Variants in EML6 observed in about 807,000 individuals in gnomAD.
The protein encoded by EML6 is echinoderm microtubule-associated protein-like 6.
EML6 carries 154 observed loss-of-function variants against 240.1 expected under a neutral mutation model. The ratio of observed to expected loss-of-function variants is 0.64; its 90% CI spans 0.56 to 0.73. The LOEUF is 0.73. EML6 is among the 30% of genes least tolerant of loss of function. The pLI, the probability that EML6 is intolerant of heterozygous loss-of-function variation, is 0.00. For missense variants in EML6, 2,964 were observed against 2,474.6 expected (o/e 1.20, Z -4.20); for synonymous variants, 1,148 against 899.0 (o/e 1.28, Z -4.95).
At chr2:54,887,004 A>G (rs114832319) in intron 17 of EML6, among the ~76,000 whole-genome samples, 253 of 152,336 alleles carry the variant, frequency 1.7e-3, no homozygotes, top group African/African-American at 5.9e-3. Context: ...ACTAAAAGCC[A>G]TACTGCTTTT....
chr2:54,861,555 C>T (rs574783915), intron 12 of EML6, among the ~76,000 whole-genome samples: 3 of 152,152 alleles, frequency 2.0e-5, no homozygotes, highest in East Asian at 1.9e-4. Flanking sequence ...TCCAACCCTT[C>T]TAGCTACATC....
At chr2:54,772,330 G>T (rs1668436486) in intron 2 of EML6, among the ~76,000 whole-genome samples, 1 of 152,174 alleles carries the variant, frequency 6.6e-6, no homozygotes, top group Admixed American at 6.5e-5. Flanking sequence ...GAACAGAGGT[G>T]ACTAATTCTA....
chr2:54,776,829 A>G (rs749160363), intron 2 of EML6, among the ~76,000 whole-genome samples: 51 of 152,202 alleles, frequency 3.4e-4, no homozygotes, highest in Admixed American at 7.2e-4. Flanking sequence ...TTATATGAAC[A>G]TTTGTATACT....
intron 2 of EML6, among the ~76,000 whole-genome samples, chr2:54,754,962 T>G (rs1350149465): frequency 2.6e-5 from 4 of 152,238 alleles, no homozygotes; most frequent in Non-Finnish European, 5.9e-5. Context: ...TTAAATGTAG[T>G]TAGTCACATG....
intron 24 of EML6, among the ~76,000 whole-genome samples, chr2:54,904,448 G>T (rs1366840455): frequency 1.3e-5 from 2 of 152,178 alleles, no homozygotes; most frequent in Non-Finnish European, 2.9e-5. Flanking sequence ...CTGAGGGAAA[G>T]CTCCTTGGAG....
At chr2:54,853,934 C>A (rs1670231072) in intron 11 of EML6, 79 bp downstream of exon 11, 2 of 808,538 alleles carry the variant, frequency 2.5e-6, no homozygotes, top group Admixed American at 2.9e-5. Context: ...GATCTTCCTG[C>A]TGTCTATTCC....
chr2:54,744,673 A>T (rs1165396619), intron 2 of EML6, among the ~76,000 whole-genome samples: 1 of 151,734 alleles, frequency 6.6e-6, no homozygotes, highest in Non-Finnish European at 1.5e-5. Flanking sequence ...TTAGATGACT[A>T]GGAAGTTGTG....
intron 3 of EML6, among the ~76,000 whole-genome samples, chr2:54,814,908 A>G (rs564093669): frequency 2.0e-5 from 3 of 152,334 alleles, no homozygotes; most frequent in South Asian, 4.1e-4. Context: ...TTATGGCTAC[A>G]TAAAGAGATA....
At chr2:54,861,772 T>TG (rs11463854) in intron 12 of EML6, among the ~76,000 whole-genome samples, 28,804 of 148,806 alleles carry the variant, frequency 0.19, 3,019 homozygotes, top group African/African-American at 0.27. Context: ...GTTTTTTGTT[T>TG]TTTTTTTTTT....
At chr2:54,827,222 T>G (rs1668639963) in intron 5 of EML6, among the ~76,000 whole-genome samples, 1 of 152,220 alleles carries the variant, frequency 6.6e-6, no homozygotes, top group Admixed American at 6.5e-5. Flanking sequence ...CTATACTACT[T>G]TTATAACTTG....
At chr2:54,917,530 T>C (rs1673989400) in intron 26 of EML6, among the ~76,000 whole-genome samples, 1 of 151,988 alleles carries the variant, frequency 6.6e-6, no homozygotes, top group Non-Finnish European at 1.5e-5. Context: ...GCCAGACTAA[T>C]TTTTGTATTT....
At chr2:54,788,071 T>G (rs1357661705) in intron 2 of EML6, among the ~76,000 whole-genome samples, 4 of 152,118 alleles carry the variant, frequency 2.6e-5, no homozygotes, top group African/African-American at 9.7e-5. Context: ...ACCCCCTCCC[T>G]TCGCACGTGT....
rs151018372 is a variant in EML6 at position 54,926,264 on chromosome 2, G to A, written c.3676-2049G>A. 9.2e-3 allele frequency among the ~76,000 whole-genome samples: 1,398 copies of A among 152,268 alleles called. 22 individuals are homozygous for A. Among genetic ancestry groups the A allele is most frequent in the South Asian group, 0.014 (67 of 4,824 alleles). On this transcript the variant is annotated intron_variant, in intron 26 of 41. Transcript: ENST00000356458. The stretch of plus-strand genomic sequence containing the variant: ...TTACAGGCATCCACCACCATGCCCA[G>A]CTAATTTTTGTATTTTTAGTAGAGT...
intron 5 of EML6, among the ~76,000 whole-genome samples, chr2:54,827,241 C>G (rs7569768): frequency 6.6e-6 from 1 of 151,976 alleles, no homozygotes; most frequent in Non-Finnish European, 1.5e-5. Flanking sequence ...TGATAAAAAA[C>G]TAAGCAAAAC....
intron 12 of EML6, among the ~76,000 whole-genome samples, chr2:54,862,679 C>A (rs915339735): frequency 7.2e-5 from 11 of 151,916 alleles, no homozygotes; most frequent in African/African-American, 2.4e-4. Flanking sequence ...GCAAAGGACA[C>A]GAGTAAGATG....
At position 54,846,322 on chromosome 2, in the gene EML6, T is replaced by G. The variant is rs779455017; in HGVS notation, c.1050-1164T>G. On this transcript the variant is annotated intron_variant, in intron 8 of 41. Transcript: ENST00000356458. The stretch of plus-strand genomic sequence containing the variant: ...AATCTGTGTGTGCTGAAATAACTAT[T>G]ACTGGAAGCACTTTTATATATTTAC... Among the ~76,000 whole-genome samples, 103 of 152,256 alleles carry G rather than the reference T, an allele frequency of 6.8e-4. 1 individual carries two copies. In the Middle Eastern group the frequency reaches 0.031, roughly 46 times the overall value.
Position 54,859,584 on chromosome 2 carries a change from C to T in EML6, c.1708C>T (p.Arg570Cys), listed in dbSNP as rs1670569408. The T allele has an allele frequency of 3.2e-6, 5 of 1,551,284 alleles. No homozygotes were observed. Among genetic ancestry groups the T allele is most frequent in the East Asian group, 2.4e-5 (1 of 40,904 alleles). ...CCATTCTGCACATGTCACAAATGTC[C>T]GCTGGTCCCATGACTTTCAGTGGGT... is the stretch of plus-strand genomic sequence containing the variant. ...VGHSAHVTNV[R>C]WSHDFQWVLS... The change falls in exon 12 of 42, where the codon CGC becomes TGC. Residue 570 changes from arginine (R) to cysteine (C), a missense_variant. Transcript: ENST00000356458.
At chr2:54,840,142 A>T (rs1285532628) in intron 7 of EML6, among the ~76,000 whole-genome samples, 1 of 152,206 alleles carries the variant, frequency 6.6e-6, no homozygotes, top group Non-Finnish European at 1.5e-5. Context: ...TAGATACTTG[A>T]CCAAATACAG....
rs543405811 is a variant in EML6 at position 54,968,567 on chromosome 2, A to G, written c.5752-101A>G. The G allele has an allele frequency of 3.2e-4, 241 of 761,774 alleles. 2 individuals are homozygous for G. In the South Asian group the frequency reaches 3.9e-3, roughly 12 times the overall value. The allele number at this position is 761,774 out of a possible 1,614,324, so 47.2% of individuals were successfully genotyped here. ...CAGACCAAATGGAAGTCCCCAGTGA[A>G]GGAAGGTTCTGGGAGCAGGGGATTT... On this transcript the variant is annotated intron_variant, in intron 40 of 41. Transcript: ENST00000356458.
Sources: allele counts gnomAD v4.1 joint callset (sites outside exome capture counted in the v4.1 genomes callset), GRCh38; gene constraint gnomAD v4.1.1; transcripts MANE v1.5; gene names NCBI Gene and HGNC (gene_info 2026-07-23, HGNC 2026-07-21).